Variants in CACNA2D3 observed in about 807,000 individuals in gnomAD.
CACNA2D3 encodes the protein calcium voltage-gated channel auxiliary subunit alpha2delta 3.
CACNA2D3 carries 60 observed loss-of-function variants against 160.6 expected under a neutral mutation model. That is an observed-to-expected ratio of 0.37 (90% CI 0.30 to 0.46). The LOEUF (loss-of-function observed/expected upper bound fraction) is 0.46. CACNA2D3 is among the 20% of genes least tolerant of loss of function. The pLI, the probability that CACNA2D3 is intolerant of heterozygous loss-of-function variation, is 1.00. For missense variants in CACNA2D3, 1,205 were observed against 1,365.0 expected (o/e 0.88, Z 1.85); for synonymous variants, 558 against 492.9 (o/e 1.13, Z -1.75).
intron 29 of CACNA2D3, among the ~76,000 whole-genome samples, chr3:54,975,106 A>G (rs1702359359): frequency 6.6e-6 from 1 of 152,214 alleles, no homozygotes; most frequent in East Asian, 1.9e-4. Context: ...ACTGCACTCT[A>G]CTTCTCAATA....
At chr3:54,522,307 T>C (rs1192735975) in intron 5 of CACNA2D3, among the ~76,000 whole-genome samples, 1 of 152,180 alleles carries the variant, frequency 6.6e-6, no homozygotes, top group African/African-American at 2.4e-5. Context: ...TAAATGAAAT[T>C]GTTTTCTTAA....
chr3:54,901,720 A>G (rs1286813165), intron 27 of CACNA2D3, among the ~76,000 whole-genome samples: 2 of 152,188 alleles, frequency 1.3e-5, no homozygotes, highest in African/African-American at 4.8e-5. Context: ...TACCTTTTAG[A>G]ATTGGTGACT....
intron 4 of CACNA2D3, among the ~76,000 whole-genome samples, chr3:54,413,400 ATATATATCTATATATATAGATATC>A (rs1172300013): frequency 1.4e-5 from 2 of 146,864 alleles, no homozygotes; most frequent in East Asian, 2.0e-4. Flanking sequence ...ATATATATCT[ATATATATCTATATATATAGATATC>A]TATATATATA....
intron 2 of CACNA2D3, among the ~76,000 whole-genome samples, chr3:54,138,823 T>G (rs1156810801): frequency 6.6e-6 from 1 of 152,232 alleles, no homozygotes; most frequent in Non-Finnish European, 1.5e-5. Context: ...GACTATTATA[T>G]TTGCATGTGT....
At chr3:54,822,432 C>T (rs1703624400) in intron 14 of CACNA2D3, among the ~76,000 whole-genome samples, 1 of 152,184 alleles carries the variant, frequency 6.6e-6, no homozygotes, top group South Asian at 2.1e-4. Flanking sequence ...TGCCATAGTT[C>T]TGTATGAGTG....
rs531804938 is a variant in CACNA2D3 at position 54,351,327 on chromosome 3, A to G, written c.321+30769A>G. ...TTTTTCTGTCTCTTTTTTCCTTGTCAGCCATTGGTGGCTTCCTGCTGCTGC... is the reference window on the plus strand; with the variant it reads ...TTTTTCTGTCTCTTTTTTCCTTGTCGGCCATTGGTGGCTTCCTGCTGCTGC... On this transcript the variant is annotated intron_variant, in intron 3 of 37. Coordinates refer to ENST00000474759, the MANE Select transcript of CACNA2D3 (RefSeq NM_018398.3). Among the ~76,000 whole-genome samples the G allele has an allele frequency of 2.3e-3, 348 of 151,892 alleles. 1 individual carries two copies. Among genetic ancestry groups the G allele is most frequent in the African/African-American group, 8.0e-3 (333 of 41,432 alleles).
intron 5 of CACNA2D3, among the ~76,000 whole-genome samples, chr3:54,555,399 G>A (rs1702227954): frequency 6.6e-6 from 1 of 152,092 alleles, no homozygotes; most frequent in African/African-American, 2.4e-5. Context: ...ATCTGGAAAG[G>A]TATGCAAGGG....
At chr3:54,701,234 C>G (rs1283904035) in intron 11 of CACNA2D3, among the ~76,000 whole-genome samples, 2 of 152,274 alleles carry the variant, frequency 1.3e-5, no homozygotes, top group East Asian at 3.9e-4. Flanking sequence ...AAAAGATCAT[C>G]TAATGTTTGA....
rs757815205 is a variant in CACNA2D3, at chr3:55,018,107, A to G, written c.2876-99A>G. 8.8e-4 allele frequency: 624 copies of G among 708,024 alleles called. 7 individuals are homozygous for G. The highest frequency in any genetic ancestry group is 1.5e-4 in the Non-Finnish European group (58 of 390,804). 43.9% of individuals were successfully genotyped at this position (708,024 alleles called of 1,614,324 possible). A position where few individuals can be genotyped will look rare whatever the true frequency, so the allele number is the denominator to read the frequency against. On this transcript the variant is annotated intron_variant, in intron 34 of 37. Transcript: ENST00000474759. The stretch of plus-strand genomic sequence containing the variant: ...TGTGCTAGAAAAATCACAGAGCAGC[A>G]GAAGCGGAACTGTGTTCTGGGTTGC...
chr3:54,144,244 C>A (rs1254327934), intron 2 of CACNA2D3, among the ~76,000 whole-genome samples: 1 of 152,166 alleles, frequency 6.6e-6, no homozygotes, highest in African/African-American at 2.4e-5. Context: ...AAAACATTTC[C>A]CCCTGGGGAT....
intron 35 of CACNA2D3, among the ~76,000 whole-genome samples, chr3:55,041,236 A>G (rs1350548358): frequency 6.6e-6 from 1 of 152,204 alleles, no homozygotes; most frequent in Non-Finnish European, 1.5e-5. Context: ...CTTACAATGA[A>G]CAGCTTAATG....
intron 4 of CACNA2D3, among the ~76,000 whole-genome samples, chr3:54,436,869 A>G (rs1700067918): frequency 6.6e-6 from 1 of 152,196 alleles, no homozygotes; most frequent in African/African-American, 2.4e-5. Flanking sequence ...TACATGCAGC[A>G]AACCACCATG....
intron 11 of CACNA2D3, 139 bp from the exon 12 acceptor site, chr3:54,752,460 G>A: frequency 1.6e-6 from 1 of 636,096 alleles, no homozygotes; most frequent in Non-Finnish European, 2.9e-6. Flanking sequence ...CTATACTTCA[G>A]ATGTCTTAAA....
At chr3:54,593,385 G>C (rs1400403535) in intron 9 of CACNA2D3, among the ~76,000 whole-genome samples, 1 of 151,804 alleles carries the variant, frequency 6.6e-6, no homozygotes, top group African/African-American at 2.4e-5. Flanking sequence ...AAGACAGAAA[G>C]AAAGAAGGAG....
At chr3:54,731,531 A>C (rs1701386261) in intron 11 of CACNA2D3, among the ~76,000 whole-genome samples, 2 of 152,100 alleles carry the variant, frequency 1.3e-5, no homozygotes, top group African/African-American at 4.8e-5. Flanking sequence ...CTCTCTCTTC[A>C]AGGTCACACT....
chr3:55,038,180 C>T (rs1352278174), intron 35 of CACNA2D3, among the ~76,000 whole-genome samples: 1 of 152,108 alleles, frequency 6.6e-6, no homozygotes, highest in African/African-American at 2.4e-5. Context: ...GGTTGTGGTA[C>T]CTAGAACAAG....
At chr3:55,035,101 A>G (rs1468180088) in intron 35 of CACNA2D3, among the ~76,000 whole-genome samples, 2 of 152,210 alleles carry the variant, frequency 1.3e-5, no homozygotes, top group Admixed American at 1.3e-4. Context: ...CTGAGAATGG[A>G]GCCTAAGAGG....
chr3:54,743,726 A>G (rs1482847002), intron 11 of CACNA2D3, among the ~76,000 whole-genome samples: 2 of 152,194 alleles, frequency 1.3e-5, no homozygotes, highest in East Asian at 3.9e-4. Flanking sequence ...GAGATGGGGC[A>G]TACCTATGAA....
chr3:54,649,044 G>C (rs1001696942), intron 11 of CACNA2D3, among the ~76,000 whole-genome samples: 1 of 152,162 alleles, frequency 6.6e-6, no homozygotes, highest in Non-Finnish European at 1.5e-5. Flanking sequence ...AACTATATCA[G>C]TTACACTAGC....
Sources: gnomAD v4.1 joint callset for allele counts (sites outside exome capture counted in the v4.1 genomes callset) on GRCh38, gnomAD v4.1.1 for gene constraint, MANE v1.5 for transcripts, NCBI Gene and HGNC (gene_info 2026-07-23, HGNC 2026-07-21) for gene names.